Variants in FBXW11 observed in about 807,000 individuals in gnomAD.
FBXW11 encodes F-box and WD repeat domain containing 11, also known as F-box/WD repeat-containing protein 11.
Under a neutral mutation model 77.6 loss-of-function variants are expected in FBXW11, and 19 were observed. The observed-to-expected ratio is 0.24, with a 90% CI of 0.17 to 0.36. The LOEUF is 0.36. Ranked by LOEUF, FBXW11 falls within the 10% of genes least tolerant of loss-of-function variation. FBXW11 has a pLI of 1.00. For missense variants in FBXW11, 334 were observed against 704.2 expected (o/e 0.47, Z 5.95); for synonymous variants, 235 against 249.4 (o/e 0.94, Z 0.54).
chr5:171,938,531 T>C (rs888885785), intron 2 of FBXW11, among the ~76,000 whole-genome samples: 1 of 152,234 alleles, frequency 6.6e-6, no homozygotes, highest in African/African-American at 2.4e-5. Context: ...AGGAAATAGG[T>C]GCTCTTGTGT....
chr5:171,870,388 AACAC>A (rs10555447), intron 11 of FBXW11, among the ~76,000 whole-genome samples: 12,441 of 149,132 alleles, frequency 0.083, 1,645 homozygotes, highest in African/African-American at 0.28. Context: ...TTGTTGAACG[AACAC>A]ACACACACAC....
At chr5:171,906,755 C>T (rs1760553471) in intron 4 of FBXW11, among the ~76,000 whole-genome samples, 1 of 152,176 alleles carries the variant, frequency 6.6e-6, no homozygotes, top group Admixed American at 6.5e-5. Flanking sequence ...GGATTCAAAC[C>T]AAGGGCCTGT....
intron 1 of FBXW11, among the ~76,000 whole-genome samples, chr5:172,001,966 T>C (rs767638548): frequency 6.6e-6 from 1 of 152,186 alleles, no homozygotes; most frequent in East Asian, 1.9e-4. Flanking sequence ...TGCTAGAATA[T>C]ACAGTAAGCA....
chr5:171,915,491 T>C (rs941754930), intron 2 of FBXW11, among the ~76,000 whole-genome samples: 13 of 152,180 alleles, frequency 8.5e-5, no homozygotes, highest in Non-Finnish European at 1.9e-4. Flanking sequence ...GAATCACCAC[T>C]GAACACTAGC....
At chr5:171,883,719 C>G (rs1183911846) in intron 7 of FBXW11, among the ~76,000 whole-genome samples, 1 of 152,066 alleles carries the variant, frequency 6.6e-6, no homozygotes, top group Non-Finnish European at 1.5e-5. Context: ...TTGCATTTCT[C>G]TGATCATTTT....
intron 2 of FBXW11, among the ~76,000 whole-genome samples, chr5:171,939,460 G>T (rs1762636121): frequency 6.6e-6 from 1 of 152,078 alleles, no homozygotes. Context: ...ACTTTGGGAA[G>T]CCAAGGCAGG....
intron 1 of FBXW11, among the ~76,000 whole-genome samples, chr5:171,971,761 C>A (rs1391790010): frequency 6.6e-6 from 1 of 152,112 alleles, no homozygotes; most frequent in Non-Finnish European, 1.5e-5. Context: ...GGAGGGTGGA[C>A]TGCTTGAGCA....
rs1230488963 is a variant in FBXW11, at chr5:171,862,448, T to C, written c.*1679A>G. On this transcript the variant is annotated 3_prime_UTR_variant, in exon 14 of 14. Coordinates refer to ENST00000517395, the MANE Select transcript of FBXW11 (RefSeq NM_001378974.1). Reference sequence around the variant, plus strand: ...TCAGAGCCCAGGGCCTTCCCTTTAGTAGTAGAGTGTGCTTCCACGGGAAGA... The same window carrying C: ...TCAGAGCCCAGGGCCTTCCCTTTAGCAGTAGAGTGTGCTTCCACGGGAAGA... 6.6e-6 allele frequency: 1 copy of C among 152,592 alleles called. No individual in the cohort carries two copies. Among genetic ancestry groups the C allele is most frequent in the East Asian group, 1.9e-4 (1 of 5,196 alleles). The allele number at this position is 152,592 out of a possible 1,614,324, so 9.5% of individuals were successfully genotyped here.
intron 2 of FBXW11, among the ~76,000 whole-genome samples, chr5:171,933,108 G>T (rs1256305867): frequency 1.7e-5 from 2 of 116,784 alleles, no homozygotes; most frequent in African/African-American, 6.8e-5. Context: ...TCCAGCCTGG[G>T]AAACAAAGCA....
chr5:171,925,623 G>T (rs1402547853), intron 2 of FBXW11, among the ~76,000 whole-genome samples: 1 of 152,174 alleles, frequency 6.6e-6, no homozygotes, highest in African/African-American at 2.4e-5. Context: ...TGGGACCACA[G>T]GTGCATGCCA....
At chr5:171,885,818 C>T (rs1288824010) in intron 7 of FBXW11, among the ~76,000 whole-genome samples, 1 of 152,184 alleles carries the variant, frequency 6.6e-6, no homozygotes, top group African/African-American at 2.4e-5. Flanking sequence ...GAGGTAGACA[C>T]TGAAATATAA....
At chr5:171,963,868 A>C (rs1437691219) in intron 1 of FBXW11, among the ~76,000 whole-genome samples, 2 of 152,206 alleles carry the variant, frequency 1.3e-5, no homozygotes, top group Non-Finnish European at 2.9e-5. Context: ...AAAGAGTGTA[A>C]GCAGATAGTA....
At chr5:171,987,829 C>T (rs1765528619) in intron 1 of FBXW11, among the ~76,000 whole-genome samples, 1 of 152,092 alleles carries the variant, frequency 6.6e-6, no homozygotes, top group African/African-American at 2.4e-5. Flanking sequence ...GTCTACTTCC[C>T]GTGATCCTTA....
In FBXW11 at chr5:171,910,700, T is replaced by C. The variant is rs1178037697; in HGVS notation, c.308A>G (p.Gln103Arg). 1.9e-6 allele frequency: 3 copies of C among 1,613,800 alleles called. No individual in the cohort carries two copies. Among genetic ancestry groups the C allele is most frequent in the Non-Finnish European group, 1.7e-6 (2 of 1,179,760 alleles). ...EKDLCIKYFD[Q>R]WSESDQVEFV... ...TTCCACTTGATCTGATTCAGACCAC[T>C]GGTCAAAATATTTAATACACAAGTC... Residue 103 changes from glutamine to arginine, a missense_variant, in exon 4 of 14, where the codon CAG becomes CGG. Gln to Arg is a conservative substitution (Grantham distance 43). This residue lies in a region of FBXW11 where 56 missense variants were observed against 144.9 expected (regional missense o/e 0.39). Coordinates refer to ENST00000517395, the MANE Select transcript of FBXW11 (RefSeq NM_001378974.1).
chr5:171,984,653 T>G (rs1281934655), intron 1 of FBXW11, among the ~76,000 whole-genome samples: 1 of 152,228 alleles, frequency 6.6e-6, no homozygotes, highest in Non-Finnish European at 1.5e-5. Context: ...CACTATCCTT[T>G]TAACTTCTAG....
intron 2 of FBXW11, among the ~76,000 whole-genome samples, chr5:171,946,958 G>A (rs180972164): frequency 2.6e-4 from 40 of 152,058 alleles, no homozygotes; most frequent in African/African-American, 8.9e-4. Flanking sequence ...GGGATTGCAG[G>A]TGCCTGCCAC....
At chr5:171,929,626 C>A (rs1291126518) in intron 2 of FBXW11, among the ~76,000 whole-genome samples, 1 of 151,804 alleles carries the variant, frequency 6.6e-6, no homozygotes, top group Non-Finnish European at 1.5e-5. Context: ...CCGAGGTGGG[C>A]AGATCACGAG....
At chr5:171,929,675 C>T (rs1762068356) in intron 2 of FBXW11, among the ~76,000 whole-genome samples, 1 of 151,870 alleles carries the variant, frequency 6.6e-6, no homozygotes, top group Admixed American at 6.6e-5. Flanking sequence ...TGTGGTGAAA[C>T]CCCATCTCTA....
At chr5:171,892,827 G>C (rs1383634590) in intron 6 of FBXW11, among the ~76,000 whole-genome samples, 1 of 152,186 alleles carries the variant, frequency 6.6e-6, no homozygotes, top group Non-Finnish European at 1.5e-5. Context: ...TTCAGTTCAG[G>C]ATATAGTTTC....
Sources: allele counts gnomAD v4.1 joint callset (sites outside exome capture counted in the v4.1 genomes callset), GRCh38; gene constraint gnomAD v4.1.1; regional missense constraint gnomAD v4.1.1; transcripts MANE v1.5; gene names NCBI Gene and HGNC (gene_info 2026-07-23, HGNC 2026-07-21).